DOCK2: variants seen among roughly 807,000 people sequenced by gnomAD.
The protein encoded by DOCK2 is dedicator of cytokinesis 2.
DOCK2 carries 87 observed loss-of-function variants against 248.9 expected under a neutral mutation model. That is an observed-to-expected ratio of 0.35 (90% confidence interval 0.29 to 0.42). The LOEUF (loss-of-function observed/expected upper bound fraction) is 0.42, where lower values mean the gene tolerates loss of function less well. Ranked by LOEUF, DOCK2 falls within the 10% of genes least tolerant of loss-of-function variation. The probability of loss-of-function intolerance (pLI) is 1.00; values close to 1 mark genes in which losing one functional copy is unlikely to be tolerated. For synonymous variants in DOCK2, 805 were observed against 821.6 expected (o/e 0.98, Z 0.35); for missense variants, 1,747 against 2,300.2 (o/e 0.76, Z 4.92).
chr5:169,670,478 A>T, intron 3 of DOCK2, 64 bp from the exon 4 acceptor site: 28 of 1,491,894 alleles, frequency 1.9e-5, no homozygotes, highest in Non-Finnish European at 2.1e-5. Flanking sequence ...ACGTAGGGTC[A>T]TTCATTTCTG....
intron 34 of DOCK2, among the ~76,000 whole-genome samples, chr5:170,030,397 G>A (rs78117513): frequency 0.057 from 8,599 of 152,178 alleles, 782 homozygotes; most frequent in African/African-American, 0.2. Context: ...ACCTCTCTGA[G>A]TCTCAGTTTT....
chr5:169,812,427 C>T (rs1198184002), intron 26 of DOCK2, among the ~76,000 whole-genome samples: 1 of 152,132 alleles, frequency 6.6e-6, no homozygotes, highest in African/African-American at 2.4e-5. Flanking sequence ...GTAATTATTT[C>T]ATTATGTATT....
intron 36 of DOCK2, among the ~76,000 whole-genome samples, chr5:170,039,113 T>C (rs1016114325): frequency 2.0e-5 from 3 of 152,210 alleles, no homozygotes; most frequent in African/African-American, 7.2e-5. Context: ...AACCTGGATC[T>C]CAGTTTTCTC....
intron 15 of DOCK2, among the ~76,000 whole-genome samples, chr5:169,710,235 G>A (rs1426244298): frequency 6.6e-6 from 1 of 152,198 alleles, no homozygotes; most frequent in Non-Finnish European, 1.5e-5. Flanking sequence ...CATGTGTCTG[G>A]TGGTATTGTC....
chr5:169,908,874 T>C (rs1244815770), intron 27 of DOCK2, among the ~76,000 whole-genome samples: 1 of 152,034 alleles, frequency 6.6e-6, no homozygotes, highest in Admixed American at 6.6e-5. Context: ...ACTACATTAT[T>C]GCATTTCACC....
chr5:169,687,478 A>G (rs1760050179), intron 8 of DOCK2, among the ~76,000 whole-genome samples: 2 of 152,074 alleles, frequency 1.3e-5, no homozygotes, highest in Non-Finnish European at 2.9e-5. Context: ...AGATAAAACA[A>G]GCTCTAAAAG....
chr5:169,951,860 C>T (rs1458933273), intron 27 of DOCK2, among the ~76,000 whole-genome samples: 1 of 152,026 alleles, frequency 6.6e-6, no homozygotes, highest in African/African-American at 2.4e-5. Flanking sequence ...GGAAACTTGC[C>T]CAAGATCACA....
intron 26 of DOCK2, among the ~76,000 whole-genome samples, chr5:169,817,167 T>C (rs1768111845): frequency 6.6e-6 from 1 of 152,244 alleles, no homozygotes; most frequent in South Asian, 2.1e-4. Flanking sequence ...CCAGGTTCTT[T>C]TAGCTCCGTC....
intron 8 of DOCK2, 22 bp downstream of exon 8, chr5:169,684,372 C>G: frequency 6.2e-7 from 1 of 1,611,806 alleles, no homozygotes; most frequent in South Asian, 1.1e-5. Flanking sequence ...CAGGGTTGCC[C>G]TACTTCTCTG....
chr5:169,686,077 T>G (rs1225765116), intron 8 of DOCK2, among the ~76,000 whole-genome samples: 1 of 151,996 alleles, frequency 6.6e-6, no homozygotes, highest in Non-Finnish European at 1.5e-5. Flanking sequence ...ACCCCGATAA[T>G]GAGTGTCCCT....
chr5:169,748,895 A>G (rs1260729396), intron 23 of DOCK2, among the ~76,000 whole-genome samples: 1 of 152,250 alleles, frequency 6.6e-6, no homozygotes, highest in Non-Finnish European at 1.5e-5. Flanking sequence ...CCTCTAAATT[A>G]CACATTAGGC....
At chr5:169,659,019 T>TATC (rs1554085170) in intron 2 of DOCK2, among the ~76,000 whole-genome samples, 6 of 117,092 alleles carry the variant, frequency 5.1e-5, no homozygotes, top group Non-Finnish European at 1.1e-4. Context: ...TTATTATTAT[T>TATC]ATTATTATTA....
intron 27 of DOCK2, among the ~76,000 whole-genome samples, chr5:169,899,861 A>G (rs1773820278): frequency 6.6e-6 from 1 of 152,234 alleles, no homozygotes; most frequent in South Asian, 2.1e-4. Context: ...GAAAAAAATT[A>G]AGCAGACTCT....
At chr5:169,992,958 C>A (rs186868719) in intron 29 of DOCK2, among the ~76,000 whole-genome samples, 7 of 152,132 alleles carry the variant, frequency 4.6e-5, no homozygotes, top group South Asian at 2.1e-4. Context: ...AATCAATTCG[C>A]GGTCATTAGG....
At chr5:169,675,918 G>A (rs527695234) in intron 6 of DOCK2, among the ~76,000 whole-genome samples, 6 of 152,300 alleles carry the variant, frequency 3.9e-5, no homozygotes, top group Non-Finnish European at 8.8e-5. Context: ...TCTGGCAAGC[G>A]TGTCCAAATC....
chr5:170,013,025 T>A (rs779185647), intron 32 of DOCK2, among the ~76,000 whole-genome samples: 14 of 151,738 alleles, frequency 9.2e-5, no homozygotes, highest in African/African-American at 1.2e-4. Context: ...CAAAGTGAAA[T>A]GTGTAGTGGG....
intron 35 of DOCK2, 108 bp from the exon 36 acceptor site, chr5:170,036,407 T>C: frequency 9.0e-7 from 1 of 1,111,666 alleles, no homozygotes; most frequent in Admixed American, 2.2e-5. Flanking sequence ...TATCTCAGGG[T>C]ACCCAGATAC....
At chr5:169,721,102 TTGCTCTTCTC>T (rs1294767721) in intron 22 of DOCK2, among the ~76,000 whole-genome samples, 1 of 152,258 alleles carries the variant, frequency 6.6e-6, no homozygotes, top group African/African-American at 2.4e-5. Context: ...TGCATTTGTT[TTGCTCTTCTC>T]TGCCTCAAGG....
intron 27 of DOCK2, among the ~76,000 whole-genome samples, chr5:169,901,979 A>G (rs886803367): frequency 4.6e-5 from 7 of 152,288 alleles, no homozygotes; most frequent in Admixed American, 3.9e-4. Flanking sequence ...ACACCATACC[A>G]TATCAGGCAT....
Sources: allele counts gnomAD v4.1 joint callset (sites outside exome capture counted in the v4.1 genomes callset), GRCh38; gene constraint gnomAD v4.1.1; transcripts MANE v1.5; gene names NCBI Gene and HGNC (gene_info 2026-07-23, HGNC 2026-07-21).